NOL4L: variants seen among roughly 807,000 people sequenced by gnomAD.
NOL4L encodes the protein nucleolar protein 4 like.
NOL4L carries 7 observed loss-of-function variants against 64.5 expected under a neutral mutation model. The observed-to-expected ratio is 0.11, with a 90% CI of 0.06 to 0.20. The LOEUF (loss-of-function observed/expected upper bound fraction) is 0.20, where lower values mean the gene tolerates loss of function less well. Ranked by LOEUF, NOL4L falls within the 10% of genes least tolerant of loss-of-function variation. The pLI is 1.00. For missense variants in NOL4L, 680 were observed against 967.1 expected (o/e 0.70, Z 3.94); for synonymous variants, 413 against 401.0 (o/e 1.03, Z -0.36).
At chr20:32,485,086 A>AAAAAAAAAAAAAAAAAAAAAAAAAAAAC (rs2016021904) in intron 4 of NOL4L, among the ~76,000 whole-genome samples, 1 of 145,586 alleles carries the variant, frequency 6.9e-6, no homozygotes, top group African/African-American at 2.5e-5. Flanking sequence ...AAAAAAAAAA[A>AAAAAAAAAAAAAAAAAAAAAAAAAAAAC]ACAACTAAAA....
At chr20:32,500,538 CTTTTTT>C in intron 4 of NOL4L, among the ~76,000 whole-genome samples, 1 of 129,566 alleles carries the variant, frequency 7.7e-6, no homozygotes. Context: ...GTATTTCTTT[CTTTTTT>C]TTTTTTTTTT....
intron 1 of NOL4L, among the ~76,000 whole-genome samples, chr20:32,531,353 C>G (rs994608668): frequency 6.6e-6 from 1 of 151,386 alleles, no homozygotes; most frequent in Non-Finnish European, 1.5e-5. Context: ...AGGTGGGTTA[C>G]TTTATTTCTA....
intron 2 of NOL4L, among the ~76,000 whole-genome samples, chr20:32,523,150 G>A (rs138779342): frequency 7.9e-5 from 12 of 152,282 alleles, no homozygotes; most frequent in South Asian, 4.1e-4. Flanking sequence ...GCTGGCTGGC[G>A]TGCCACAGGG....
At chr20:32,580,841 G>GC (rs1351811241) in intron 1 of NOL4L, among the ~76,000 whole-genome samples, 2 of 152,220 alleles carry the variant, frequency 1.3e-5, no homozygotes, top group Non-Finnish European at 1.5e-5. Context: ...CTGACAGACA[G>GC]CCCAGGGCCC....
chr20:32,554,427 T>C (rs1407369658), intron 1 of NOL4L, among the ~76,000 whole-genome samples: 1 of 150,116 alleles, frequency 6.7e-6, no homozygotes, highest in Non-Finnish European at 1.5e-5. Context: ...AAACAGAAAG[T>C]GGCTCATGGG....
In NOL4L at chr20:32,453,960, C is replaced by T. The variant is rs751129184; in HGVS notation, c.1120-199G>A. The T allele has an allele frequency of 1.3e-5, 8 of 596,968 alleles. No homozygotes were observed. The highest frequency in any genetic ancestry group is 8.4e-5 in the East Asian group (3 of 35,720). The allele number at this position is 596,968 out of a possible 1,614,324, so 37.0% of individuals were successfully genotyped here. Reference sequence around the variant, plus strand: ...TGCAATGGGGACAGCAATGCTACCACCTCCCTCCCTGGGCTGCCGCAGGGA... The same window carrying T: ...TGCAATGGGGACAGCAATGCTACCATCTCCCTCCCTGGGCTGCCGCAGGGA... On this transcript the variant is annotated intron_variant, in intron 6 of 10. Coordinates refer to ENST00000621426, the MANE Select transcript of NOL4L (RefSeq NM_001256798.2). The surrounding 1 kb of genome is among the most constrained non-coding windows in gnomAD (Gnocchi z 5.6).
rs1346094430 is a variant in NOL4L at position 32,444,697 on chromosome 20, ACT to A, written c.*2897_*2898del. The A allele has an allele frequency of 2.6e-5, 4 of 152,086 alleles. No homozygotes were observed. Among genetic ancestry groups the A allele is most frequent in the South Asian group, 2.1e-4 (1 of 4,824 alleles). The allele number at this position is 152,086 out of a possible 1,614,324, so 9.4% of individuals were successfully genotyped here. A position where few individuals can be genotyped will look rare whatever the true frequency, so the allele number is the denominator to read the frequency against. On this transcript the variant is annotated 3_prime_UTR_variant, in exon 11 of 11. Coordinates refer to ENST00000621426, the MANE Select transcript of NOL4L (RefSeq NM_001256798.2). ...CTTGTGGGATTAGCCTCCTGCAAAG[ACT>A]CTGGAATTGGAGTATCCTACTCTTG...
intron 4 of NOL4L, among the ~76,000 whole-genome samples, chr20:32,485,253 CAG>C (rs1403507832): frequency 2.0e-5 from 3 of 152,052 alleles, no homozygotes; most frequent in Admixed American, 2.0e-4. Flanking sequence ...AATTTTGAAA[CAG>C]ACTGCCTTTA....
chr20:32,448,022 T>G (rs1248696654), intron 10 of NOL4L, among the ~76,000 whole-genome samples: 2 of 152,186 alleles, frequency 1.3e-5, no homozygotes, highest in African/African-American at 4.8e-5. Flanking sequence ...CAGAGAATCC[T>G]CAGGGTGATC....
rs2013126048 is a variant in NOL4L at position 32,453,316 on chromosome 20, GTTC to G, written c.1482_1484del (p.Lys494del). Reference sequence around the variant, plus strand: ...AGGGGGGACTCACCATCTCCATGCCGTTCTTCTTCATGCGACGGCAGGACTTGA... The same window carrying G: ...AGGGGGGACTCACCATCTCCATGCCGTTCTTCATGCGACGGCAGGACTTGA... On this transcript the variant is annotated inframe_deletion, in exon 8 of 11. Coordinates refer to ENST00000621426, the MANE Select transcript of NOL4L (RefSeq NM_001256798.2). This position sits in a 1 kb window ranked among gnomAD's most constrained non-coding sequence, Gnocchi z 5.6. The G allele has an allele frequency of 3.1e-6, 5 of 1,613,836 alleles. No homozygotes were observed. The highest frequency in any genetic ancestry group is 3.4e-6 in the Non-Finnish European group (4 of 1,179,792).
intron 1 of NOL4L, among the ~76,000 whole-genome samples, chr20:32,529,062 GGTA>G (rs1356719954): frequency 6.6e-6 from 1 of 152,228 alleles, no homozygotes; most frequent in Non-Finnish European, 1.5e-5. Flanking sequence ...ACACATAGTA[GGTA>G]GTCAGTAAAT....
chr20:32,558,570 G>A (rs922334629), intron 1 of NOL4L, among the ~76,000 whole-genome samples: 3 of 152,268 alleles, frequency 2.0e-5, no homozygotes, highest in South Asian at 2.1e-4. Flanking sequence ...TCACACAGCC[G>A]GCTGGGTACA....
At position 32,460,771 on chromosome 20, in the gene NOL4L, A is replaced by T. The variant is rs568718175; in HGVS notation, c.842-4376T>A. On this transcript the variant is annotated intron_variant, in intron 5 of 10. Transcript: ENST00000621426. This position sits in a 1 kb window ranked among gnomAD's most constrained non-coding sequence, Gnocchi z 5.7. ...CTGAGGTGGGCCCAGTGAGAGGGCCACTGTGGGGATGGGGGCAACTGCCAC... is the reference window on the plus strand; with the variant it reads ...CTGAGGTGGGCCCAGTGAGAGGGCCTCTGTGGGGATGGGGGCAACTGCCAC... Among the ~76,000 whole-genome samples, 117 of 152,262 alleles carry T rather than the reference A, an allele frequency of 7.7e-4. No homozygotes were observed. Among genetic ancestry groups the T allele is most frequent in the Non-Finnish European group, 1.4e-3 (92 of 67,998 alleles).
At chr20:32,495,288 AC>A (rs2016641049) in intron 4 of NOL4L, among the ~76,000 whole-genome samples, 1 of 152,232 alleles carries the variant, frequency 6.6e-6, no homozygotes, top group Non-Finnish European at 1.5e-5. Flanking sequence ...CCTTAGAATG[AC>A]CATGGGGCTG....
rs1416881529 is a variant in NOL4L, at chr20:32,452,908, A to G, written c.1596T>C (p.Arg532=). Residue 532 remains arginine (R), a synonymous_variant, in exon 9 of 11, where the codon CGT becomes CGC. Coordinates refer to ENST00000621426, the MANE Select transcript of NOL4L (RefSeq NM_001256798.2). ...CCTGTGAGGACTGGTAGATCTCTAG[A>G]CGCATCCGCTTGGCTGCCTTTCTTG... ...SETRKAAKRM[R]LEIYQSSQDE... 2 of 1,613,908 alleles carry G rather than the reference A, an allele frequency of 1.2e-6. No individual in the cohort carries two copies. Among genetic ancestry groups the G allele is most frequent in the East Asian group, 2.2e-5 (1 of 44,852 alleles).
intron 1 of NOL4L, among the ~76,000 whole-genome samples, chr20:32,558,168 A>T (rs1978779119): frequency 6.6e-6 from 1 of 152,168 alleles, no homozygotes; most frequent in Non-Finnish European, 1.5e-5. Flanking sequence ...AGTTTGCACG[A>T]CCTCTCCTAA....
chr20:32,532,786 C>A (rs1368497827), intron 1 of NOL4L, among the ~76,000 whole-genome samples: 1 of 152,166 alleles, frequency 6.6e-6, no homozygotes, highest in African/African-American at 2.4e-5. Context: ...AAACACCTAG[C>A]AGGAGTAATG....
At chr20:32,550,431 A>C (rs2018784377) in intron 1 of NOL4L, among the ~76,000 whole-genome samples, 6 of 152,188 alleles carry the variant, frequency 3.9e-5, no homozygotes, top group Admixed American at 3.9e-4. Context: ...CTAAGCATAC[A>C]AAAGGTACAG....
rs747860310 is a variant in NOL4L at position 32,456,130 on chromosome 20, C to T, written c.1107G>A (p.Lys369=). ...GLRSRVKYGV[K]TTPESPPYSS... ...CAGCCCCACACACCTCGGGGGTGGT[C>T]TTCACCCCGTATTTGACGCGGCTCC... The change falls in exon 6 of 11, where the codon AAG becomes AAA. Residue 369 remains lysine (K), a synonymous_variant. Transcript: ENST00000621426. 1 of 1,541,544 alleles carries T rather than the reference C, an allele frequency of 6.5e-7. No homozygotes were observed. Among genetic ancestry groups the T allele is most frequent in the Non-Finnish European group, 8.8e-7 (1 of 1,140,892 alleles).
Sources: gnomAD v4.1 joint callset for allele counts (sites outside exome capture counted in the v4.1 genomes callset) on GRCh38, gnomAD v4.1.1 for gene constraint, Gnocchi (gnomAD v3.1) non-coding constraint, MANE v1.5 for transcripts, NCBI Gene and HGNC (gene_info 2026-07-23, HGNC 2026-07-21) for gene names.